Variants in AGBL1 observed in about 807,000 individuals in gnomAD.
The protein encoded by AGBL1 is AGBL carboxypeptidase 1.
In AGBL1, 130 loss-of-function variants were observed where a neutral mutation model predicts 118.9. That is an observed-to-expected ratio of 1.09 (90% CI 0.95 to 1.26). The LOEUF is 1.26. Ranked by LOEUF, AGBL1 falls within the 50% of genes most tolerant of loss-of-function variation. The pLI is 0.00. For missense variants in AGBL1, 1,584 were observed against 1,298.1 expected, an observed-to-expected ratio of 1.22 and a Z score of -3.38; for synonymous variants, 555 against 478.9, an observed-to-expected ratio of 1.16 and a Z score of -2.08.
intron 22 of AGBL1, among the ~76,000 whole-genome samples, chr15:86,687,106 A>C (rs1215565499): frequency 6.6e-6 from 1 of 152,154 alleles, no homozygotes; most frequent in Non-Finnish European, 1.5e-5. Context: ...CAATGGCAAA[A>C]AAAAGGGAAT....
rs56932223 is a variant in AGBL1 at position 86,620,011 on chromosome 15, C to G, written c.2995-54262C>G. 9.1e-4 allele frequency among the ~76,000 whole-genome samples: 138 copies of G among 152,246 alleles called. 2 individuals are homozygous for G. In the East Asian group the frequency reaches 0.025, roughly 28 times the overall value. ...GGCTTTCCAGACTCACTAGTGTTAGCCACATAACTGTTCTTCCAGAAATGC... is the reference window on the plus strand; with the variant it reads ...GGCTTTCCAGACTCACTAGTGTTAGGCACATAACTGTTCTTCCAGAAATGC... On this transcript the variant is annotated intron_variant, in intron 21 of 22. Transcript: ENST00000614907.
intron 21 of AGBL1, among the ~76,000 whole-genome samples, chr15:86,603,884 C>G (rs915812883): frequency 6.6e-6 from 1 of 152,062 alleles, no homozygotes; most frequent in African/African-American, 2.4e-5. Flanking sequence ...CCCTGAGTAG[C>G]AAATTTCCAC....
chr15:86,939,876 CT>C (rs5814266), intron 23 of AGBL1: 96,121 of 151,020 alleles, frequency 0.64, 31,353 homozygotes, highest in South Asian at 0.84. Flanking sequence ...TACGCTGTTT[CT>C]TTTTTTATTT....
intron 24 of AGBL1, among the ~76,000 whole-genome samples, chr15:87,023,981 G>A (rs1389837623): frequency 6.6e-6 from 1 of 151,770 alleles, no homozygotes; most frequent in Non-Finnish European, 1.5e-5. Flanking sequence ...GACACAAAAG[G>A]CAGTGCTAAG....
intron 19 of AGBL1, among the ~76,000 whole-genome samples, chr15:86,524,665 T>A (rs186621613): frequency 6.6e-6 from 1 of 152,176 alleles, no homozygotes; most frequent in African/African-American, 2.4e-5. Flanking sequence ...ATAAGTCACA[T>A]TGTTAGCATC....
chr15:86,825,066 A>C (rs930387052), intron 22 of AGBL1, among the ~76,000 whole-genome samples: 3 of 152,044 alleles, frequency 2.0e-5, no homozygotes, highest in Admixed American at 2.0e-4. Context: ...CAAAACAAAA[A>C]CAAACAAACA....
intron 24 of AGBL1, among the ~76,000 whole-genome samples, chr15:87,019,055 A>T (rs1596747166): frequency 6.6e-6 from 1 of 152,294 alleles, no homozygotes; most frequent in Non-Finnish European, 1.5e-5. Flanking sequence ...AAAGGGTTCA[A>T]TTCAACAAGA....
intron 22 of AGBL1, among the ~76,000 whole-genome samples, chr15:86,675,513 T>G (rs2085825620): frequency 6.6e-6 from 1 of 152,130 alleles, no homozygotes; most frequent in Admixed American, 6.5e-5. Context: ...CTATAGAAAC[T>G]TAAGTAAGTG....
intron 22 of AGBL1, among the ~76,000 whole-genome samples, chr15:86,793,262 T>G (rs1045697339): frequency 6.6e-6 from 1 of 152,140 alleles, no homozygotes; most frequent in Non-Finnish European, 1.5e-5. Context: ...CAAAAGAATA[T>G]TTAGGGAAGA....
Position 86,295,263 on chromosome 15 carries a change from T to G in AGBL1, c.2229T>G (p.Leu743=). 1 of 1,613,654 alleles carries G rather than the reference T, an allele frequency of 6.2e-7. No individual in the cohort carries two copies. The highest frequency in any genetic ancestry group is 1.3e-5 in the African/African-American group (1 of 75,036). Residue 743 remains leucine (L), a synonymous_variant, in exon 17 of 23, where the codon CTT becomes CTG. Transcript: ENST00000614907. ...CTTTATTTCTGCTCCAGACTCATCT[T>G]GACATCCTGGAAAAGAGTGTCAACC... The part of the protein sequence containing the change: ...PYTYTALMTH[L]DILEKSVNLK...
At chr15:86,686,442 GTTT>G (rs368842116) in intron 22 of AGBL1, among the ~76,000 whole-genome samples, 1 of 127,122 alleles carries the variant, frequency 7.9e-6, no homozygotes, top group Non-Finnish European at 1.6e-5. Context: ...CATATTCTAA[GTTT>G]TTTTTTTTTT....
intron 20 of AGBL1, among the ~76,000 whole-genome samples, chr15:86,551,607 G>C (rs901296982): frequency 6.6e-6 from 1 of 152,132 alleles, no homozygotes; most frequent in African/African-American, 2.4e-5. Context: ...TGGCTTTGTT[G>C]ATACATTCTA....
chr15:86,562,571 C>G (rs2083842188), intron 21 of AGBL1, among the ~76,000 whole-genome samples: 1 of 152,122 alleles, frequency 6.6e-6, no homozygotes, highest in Non-Finnish European at 1.5e-5. Flanking sequence ...ATTTTTGCAT[C>G]AATGTTCATC....
intron 17 of AGBL1, among the ~76,000 whole-genome samples, chr15:86,364,822 T>G (rs2080855605): frequency 6.6e-6 from 1 of 151,654 alleles, no homozygotes; most frequent in Non-Finnish European, 1.5e-5. Context: ...TTGAATTAAA[T>G]TGGCTAGTAG....
At chr15:86,963,644 CTCACA>C (rs2141689750) in intron 23 of AGBL1, among the ~76,000 whole-genome samples, 1 of 152,080 alleles carries the variant, frequency 6.6e-6, no homozygotes, top group East Asian at 1.9e-4. Context: ...TCGGTGTATC[CTCACA>C]TCACATCACT....
chr15:86,917,175 G>A (rs371106847), downstream of AGBL1, among the ~76,000 whole-genome samples: 211 of 152,258 alleles, frequency 1.4e-3, no homozygotes, highest in Admixed American at 3.3e-3. This position sits in a 1 kb window ranked among gnomAD's most constrained non-coding sequence, Gnocchi z 4.8. Context: ...GAAGATGGGG[G>A]AGAGGCGTGG....
At chr15:86,181,985 G>A (rs961418454) in intron 5 of AGBL1, among the ~76,000 whole-genome samples, 19 of 152,066 alleles carry the variant, frequency 1.2e-4, no homozygotes, top group Admixed American at 1.2e-3. Flanking sequence ...AGGAATTGAG[G>A]GGAGTTTTGA....
chr15:86,266,587 A>C, intron 12 of AGBL1, 130 bp downstream of exon 12: 1 of 717,134 alleles, frequency 1.4e-6, no homozygotes, highest in Non-Finnish European at 2.2e-6. Flanking sequence ...CAGGTTAAAG[A>C]TCTATAAGAG....
intron 9 of AGBL1, among the ~76,000 whole-genome samples, chr15:86,258,789 C>T (rs1011692316): frequency 6.6e-5 from 10 of 152,162 alleles, no homozygotes; most frequent in African/African-American, 2.2e-4. Context: ...TCACTGCAAC[C>T]TCCACCTCCC....
Sources: allele counts gnomAD v4.1 joint callset (sites outside exome capture counted in the v4.1 genomes callset), GRCh38; gene constraint gnomAD v4.1.1; non-coding constraint Gnocchi (gnomAD v3.1); transcripts MANE v1.5; gene names NCBI Gene and HGNC (gene_info 2026-07-23, HGNC 2026-07-21).